The following INPP4B variants were observed in gnomAD, a reference collection of about 807,000 sequenced individuals.
INPP4B encodes inositol polyphosphate 4-phosphatase type II.
INPP4B carries 55 observed loss-of-function variants against 122.5 expected under a neutral mutation model. The observed-to-expected ratio is 0.45, with a 90% CI of 0.36 to 0.56. The LOEUF (loss-of-function observed/expected upper bound fraction) is 0.56, where lower values mean the gene tolerates loss of function less well. Ranked by LOEUF, INPP4B falls within the 20% of genes least tolerant of loss-of-function variation. The pLI is 0.00. For missense variants in INPP4B, 1,000 were observed against 1,097.7 expected, an observed-to-expected ratio of 0.91 and a Z score of 1.26; for synonymous variants, 403 against 388.7, an observed-to-expected ratio of 1.04 and a Z score of -0.43.
chr4:142,551,318 C>A (rs901401838), intron 2 of INPP4B, among the ~76,000 whole-genome samples: 1 of 152,040 alleles, frequency 6.6e-6, no homozygotes, highest in Admixed American at 6.6e-5. Flanking sequence ...ACAAAGGGAG[C>A]CTAAATACTA....
rs36227189 is a variant in INPP4B at position 142,263,639 on chromosome 4, A to AATATATATATATAT, written c.616-3089_616-3076dup. Among the ~76,000 whole-genome samples the AATATATATATATAT allele has an allele frequency of 5.7e-3, 237 of 41,766 alleles. 16 individuals carry two copies. The highest frequency in any genetic ancestry group is 7.3e-3 in the African/African-American group (129 of 17,686). 27.4% of individuals were successfully genotyped at this position (41,766 alleles called of 152,430 possible). A position where few individuals can be genotyped will look rare whatever the true frequency, so the allele number is the denominator to read the frequency against. ...GACCACAAATGAGATAAATTCGTAA[A>AATATATATATATAT]ATATATATATATATATATATATATA... On this transcript the variant is annotated intron_variant, in intron 10 of 25. Coordinates refer to ENST00000262992, the MANE Select transcript of INPP4B (RefSeq NM_001101669.3).
chr4:142,576,255 G>A (rs1463796295), intron 2 of INPP4B, among the ~76,000 whole-genome samples: 1 of 151,926 alleles, frequency 6.6e-6, no homozygotes, highest in African/African-American at 2.4e-5. Context: ...TTCCAGAATT[G>A]TAAAGGGCAG....
chr4:142,830,180 T>C (rs1278646256), intron 1 of INPP4B, among the ~76,000 whole-genome samples: 12 of 152,200 alleles, frequency 7.9e-5, no homozygotes, highest in Non-Finnish European at 1.0e-4. Flanking sequence ...TATAGATACA[T>C]ATATATCTCC....
chr4:142,844,720 G>T (rs1038215934), intron 1 of INPP4B, among the ~76,000 whole-genome samples: 5 of 152,348 alleles, frequency 3.3e-5, no homozygotes, highest in East Asian at 3.9e-4. Flanking sequence ...TCAGCCAGCT[G>T]CCCTGTTGAT....
intron 11 of INPP4B, among the ~76,000 whole-genome samples, chr4:142,256,727 A>C (rs1736345124): frequency 6.6e-6 from 1 of 152,178 alleles, no homozygotes; most frequent in Non-Finnish European, 1.5e-5. Flanking sequence ...CTTACCAACC[A>C]AAAAGAGTCC....
chr4:142,253,864 A>G (rs1273614224), intron 11 of INPP4B, among the ~76,000 whole-genome samples: 1 of 152,162 alleles, frequency 6.6e-6, no homozygotes, highest in African/African-American at 2.4e-5. Flanking sequence ...CAGCTCAAGG[A>G]GGCCTGCCTG....
intron 3 of INPP4B, among the ~76,000 whole-genome samples, chr4:142,437,304 A>ATG (rs1810746549): frequency 6.6e-6 from 1 of 152,006 alleles, no homozygotes; most frequent in Admixed American, 6.6e-5. Context: ...CTGAACCTGC[A>ATG]ACTGTTTGGA....
intron 1 of INPP4B, among the ~76,000 whole-genome samples, chr4:142,758,319 G>A (rs1411731541): frequency 6.6e-6 from 1 of 152,100 alleles, no homozygotes; most frequent in Non-Finnish European, 1.5e-5. Context: ...GCTGTCATTT[G>A]TTATCTCTGA....
intron 25 of INPP4B, among the ~76,000 whole-genome samples, chr4:142,047,503 C>T (rs1179793510): frequency 6.6e-6 from 1 of 151,960 alleles, no homozygotes; most frequent in Non-Finnish European, 1.5e-5. Context: ...CCTGGTCCAA[C>T]CCCTTCATTT....
chr4:142,298,736 A>G (rs1759974405), intron 9 of INPP4B, among the ~76,000 whole-genome samples: 1 of 151,648 alleles, frequency 6.6e-6, no homozygotes, highest in South Asian at 2.1e-4. Context: ...TAAAATTCTA[A>G]GCAAAATTCA....
intron 5 of INPP4B, among the ~76,000 whole-genome samples, chr4:142,412,770 G>A (rs1315662685): frequency 2.0e-5 from 3 of 151,934 alleles, no homozygotes; most frequent in East Asian, 1.9e-4. Context: ...TTTCAATCGG[G>A]CAAGCCTGCT....
At chr4:142,592,422 G>GA (rs747737279) in intron 2 of INPP4B, among the ~76,000 whole-genome samples, 3 of 152,002 alleles carry the variant, frequency 2.0e-5, no homozygotes, top group Non-Finnish European at 4.4e-5. Flanking sequence ...CAATTCAACA[G>GA]ATACTTTCAA....
intron 7 of INPP4B, among the ~76,000 whole-genome samples, chr4:142,363,764 AT>A (rs1786367965): frequency 6.6e-6 from 1 of 152,040 alleles, no homozygotes; most frequent in Non-Finnish European, 1.5e-5. Flanking sequence ...AGATTTATAC[AT>A]CACATTTCTT....
chr4:142,043,592 G>C (rs528869870), intron 25 of INPP4B, among the ~76,000 whole-genome samples: 1 of 151,364 alleles, frequency 6.6e-6, no homozygotes, highest in Non-Finnish European at 1.5e-5. Flanking sequence ...ATTTGGGAAT[G>C]ATTCACAGCT....
intron 3 of INPP4B, among the ~76,000 whole-genome samples, chr4:142,449,842 A>G (rs1244578926): frequency 2.0e-5 from 3 of 152,212 alleles, no homozygotes; most frequent in Admixed American, 2.0e-4. Flanking sequence ...TCTGCCAGAT[A>G]AAAAGCCAAT....
intron 9 of INPP4B, among the ~76,000 whole-genome samples, chr4:142,302,423 G>T (rs1333778322): frequency 6.6e-6 from 1 of 152,148 alleles, no homozygotes; most frequent in East Asian, 1.9e-4. Flanking sequence ...GAGACAAAAT[G>T]TCGGTCATTA....
chr4:142,352,673 A>G (rs191259212), intron 7 of INPP4B, among the ~76,000 whole-genome samples: 2 of 152,004 alleles, frequency 1.3e-5, no homozygotes, highest in Admixed American at 1.3e-4. Flanking sequence ...GAAAAACAGA[A>G]ACCCTTCCAC....
At chr4:142,665,294 CAT>C (rs1196315602) in intron 2 of INPP4B, among the ~76,000 whole-genome samples, 1 of 151,988 alleles carries the variant, frequency 6.6e-6, no homozygotes, top group Admixed American at 6.6e-5. Context: ...AGATGGAGAC[CAT>C]CCTTGCTAAC....
intron 25 of INPP4B, among the ~76,000 whole-genome samples, chr4:142,034,878 C>A (rs535051100): frequency 6.6e-6 from 1 of 152,208 alleles, no homozygotes; most frequent in East Asian, 1.9e-4. Context: ...TCTAGGCCTG[C>A]TGATGAAGTT....
Sources: gnomAD v4.1 joint callset for allele counts (sites outside exome capture counted in the v4.1 genomes callset) on GRCh38, gnomAD v4.1.1 for gene constraint, MANE v1.5 for transcripts, NCBI Gene and HGNC (gene_info 2026-07-23, HGNC 2026-07-21) for gene names.